The following SH3PXD2B variants were observed in gnomAD, a reference collection of about 807,000 sequenced individuals.
SH3PXD2B encodes the protein SH3 and PX domain-containing protein 2B.
A neutral mutation model predicts 73.1 loss-of-function variants in SH3PXD2B; 37 were observed. The ratio of observed to expected loss-of-function variants is 0.51; its 90% CI spans 0.39 to 0.67. The LOEUF (loss-of-function observed/expected upper bound fraction) is 0.67, where lower values mean the gene tolerates loss of function less well. SH3PXD2B is among the 30% of genes least tolerant of loss of function. The pLI is 0.00. For synonymous variants in SH3PXD2B, 457 were observed against 480.5 expected (o/e 0.95, Z 0.64); for missense variants, 1,053 against 1,197.8 (o/e 0.88, Z 1.78).
In SH3PXD2B at chr5:172,434,462, A is replaced by T. The variant is rs561281607; in HGVS notation, c.76-11966T>A. ...AGAAAGGCCCCAGAACTCCATCGATACGCTGTCCCCAGGGTCGGATGATGT... is the reference window on the plus strand; with the variant it reads ...AGAAAGGCCCCAGAACTCCATCGATTCGCTGTCCCCAGGGTCGGATGATGT... On this transcript the variant is annotated intron_variant, in intron 1 of 12. Transcript: ENST00000311601. 1.3e-4 allele frequency among the ~76,000 whole-genome samples: 20 copies of T among 152,240 alleles called. No individual in the cohort carries two copies. In the South Asian group the frequency reaches 4.0e-3, roughly 30 times the overall value.
Position 172,338,628 on chromosome 5 carries a change from G to A in SH3PXD2B, c.2477C>T (p.Pro826Leu), listed in dbSNP as rs73317796. 1.8e-3 allele frequency: 2,940 copies of A among 1,614,176 alleles called. 56 individuals are homozygous for A. The African/African-American group carries it at 0.035, about 19-fold the overall frequency. The change falls in exon 13 of 13, where the codon CCA becomes CTA. Residue 826 changes from proline to leucine, a missense_variant. Pro to Leu is a moderately conservative substitution (Grantham distance 98). Transcript: ENST00000311601. This position sits in a 1 kb window ranked among gnomAD's most constrained non-coding sequence, Gnocchi z 5.1. ...DDTRGKGSLGPWGTGKIGENR... is the reference protein window; with the variant it reads ...DDTRGKGSLGLWGTGKIGENR... ...TTCTCCAATCTTGCCGGTCCCCCAT[G>A]GCCCCAGGCTGCCTTTGCCTCGCGT...
intron 2 of SH3PXD2B, among the ~76,000 whole-genome samples, 171 bp from the exon 3 acceptor site, chr5:172,406,523 G>A (rs1758562691): frequency 6.6e-6 from 1 of 152,168 alleles, no homozygotes; most frequent in Non-Finnish European, 1.5e-5. Flanking sequence ...GTTGGACCTA[G>A]AAACCCCATG....
intron 2 of SH3PXD2B, among the ~76,000 whole-genome samples, chr5:172,406,679 G>A (rs988187691): frequency 6.6e-6 from 1 of 152,162 alleles, no homozygotes; most frequent in Non-Finnish European, 1.5e-5. Context: ...TGGACAGCAG[G>A]TCATCCTGCT....
downstream of SH3PXD2B, among the ~76,000 whole-genome samples, chr5:172,329,537 A>ATTTT (rs1189125823): frequency 6.8e-4 from 43 of 62,994 alleles, 2 homozygotes; most frequent in African/African-American, 2.2e-3. Context: ...GATCTTTGTT[A>ATTTT]TTCTTTTTTT....
At position 172,434,777 on chromosome 5, in the gene SH3PXD2B, C is replaced by A. The variant is rs1759327738; in HGVS notation, c.76-12281G>T. 8.0e-5 allele frequency among the ~76,000 whole-genome samples: 6 copies of A among 74,746 alleles called. No individual in the cohort carries two copies. In the South Asian group the frequency reaches 2.5e-3, roughly 32 times the overall value. The allele number at this position is 74,746 out of a possible 152,430, so 49.0% of individuals were successfully genotyped here. On this transcript the variant is annotated intron_variant, in intron 1 of 12. Coordinates refer to ENST00000311601, the MANE Select transcript of SH3PXD2B (RefSeq NM_001017995.3). ...CATTTTGGTCCTGGGATGCAATGGC[C>A]AATGGTTTTTTTTTTTTTTTTTTTC...
At chr5:172,346,824 T>C (rs183128841) in intron 11 of SH3PXD2B, among the ~76,000 whole-genome samples, 8 of 151,480 alleles carry the variant, frequency 5.3e-5, no homozygotes, top group African/African-American at 1.9e-4. Flanking sequence ...CAAAAACCAA[T>C]GCAAACAAAT....
chr5:172,410,866 T>C (rs926438216), intron 2 of SH3PXD2B, among the ~76,000 whole-genome samples: 1 of 152,158 alleles, frequency 6.6e-6, no homozygotes, highest in Non-Finnish European at 1.5e-5. Context: ...ACAGATGAGG[T>C]AACTGAGAAG....
chr5:172,347,763 G>A (rs912529094), intron 10 of SH3PXD2B, among the ~76,000 whole-genome samples: 1 of 152,176 alleles, frequency 6.6e-6, no homozygotes, highest in African/African-American at 2.4e-5. Context: ...CAGGGCAGCG[G>A]TGAGGATGAA....
At chr5:172,355,975 C>A (rs187500502) in intron 8 of SH3PXD2B, among the ~76,000 whole-genome samples, 6 of 152,244 alleles carry the variant, frequency 3.9e-5, no homozygotes, top group African/African-American at 1.4e-4. Flanking sequence ...CGTGCATTTG[C>A]CCTTCCTCTG....
At chr5:172,356,432 C>G (rs1757279473) in intron 8 of SH3PXD2B, among the ~76,000 whole-genome samples, 1 of 152,210 alleles carries the variant, frequency 6.6e-6, no homozygotes, top group South Asian at 2.1e-4. Context: ...AATGAAGGAA[C>G]AGGTCACTGG....
chr5:172,448,624 A>G (rs1433215472), intron 1 of SH3PXD2B, among the ~76,000 whole-genome samples: 5 of 152,210 alleles, frequency 3.3e-5, no homozygotes, highest in African/African-American at 7.2e-5. Flanking sequence ...GGTTGGAAAG[A>G]CATGTGCTAG....
At position 172,336,385 on chromosome 5, in the gene SH3PXD2B, C is replaced by T. The variant is rs371294063; in HGVS notation, c.*1984G>A. ...TCCCCTGGCTGCCATCTGCCCCCAA[C>T]GCTCTGGGCACAGGGCCAAGTGGCA... On this transcript the variant is annotated 3_prime_UTR_variant, in exon 13 of 13. Transcript: ENST00000311601. 5.4e-5 allele frequency: 53 copies of T among 985,748 alleles called. 1 individual carries two copies. The East Asian group carries it at 1.2e-3, about 23-fold the overall frequency. The allele number at this position is 985,748 out of a possible 1,614,324, so 61.1% of individuals were successfully genotyped here.
intron 10 of SH3PXD2B, among the ~76,000 whole-genome samples, chr5:172,348,654 CCTAT>C (rs55939833): frequency 0.057 from 3,438 of 60,180 alleles, 65 homozygotes; most frequent in East Asian, 0.11. Context: ...ATCTATCTAT[CCTAT>C]CTATCTATCT....
intron 9 of SH3PXD2B, among the ~76,000 whole-genome samples, chr5:172,352,669 C>T (rs537222872): frequency 1.2e-4 from 18 of 152,264 alleles, no homozygotes; most frequent in East Asian, 7.7e-4. Context: ...ATGCTATTCT[C>T]GTGATAGTGA....
chr5:172,422,630 A>G (rs1581327431), intron 1 of SH3PXD2B, 134 bp from the exon 2 acceptor site: 1 of 800,342 alleles, frequency 1.2e-6, no homozygotes, highest in Non-Finnish European at 2.1e-6. Flanking sequence ...GACTGGCTGG[A>G]CAAGTTGCTT....
chr5:172,357,515 G>A (rs914883561), intron 8 of SH3PXD2B, among the ~76,000 whole-genome samples: 2 of 152,038 alleles, frequency 1.3e-5, no homozygotes, highest in Admixed American at 1.3e-4. Flanking sequence ...TCTTCTAGCT[G>A]TGTGACCCTG....
intron 1 of SH3PXD2B, among the ~76,000 whole-genome samples, chr5:172,431,965 T>C (rs1759256899): frequency 6.6e-6 from 1 of 152,004 alleles, no homozygotes; most frequent in South Asian, 2.1e-4. Context: ...TCACCTGAGG[T>C]CAGGGGTTCG....
At position 172,404,249 on chromosome 5, in the gene SH3PXD2B, G is replaced by A. The variant is rs369683905; in HGVS notation, c.232+2028C>T. Among the ~76,000 whole-genome samples, 11 of 152,236 alleles carry A rather than the reference G, an allele frequency of 7.2e-5. No homozygotes were observed. In the East Asian group the frequency reaches 7.7e-4, roughly 11 times the overall value. ...AGGGGGTTGGGAGACTGGCACTTGTGTGACCCAGGGAGTCCCCCCAATCTC... is the reference window on the plus strand; with the variant it reads ...AGGGGGTTGGGAGACTGGCACTTGTATGACCCAGGGAGTCCCCCCAATCTC... On this transcript the variant is annotated intron_variant, in intron 3 of 12. Coordinates refer to ENST00000311601, the MANE Select transcript of SH3PXD2B (RefSeq NM_001017995.3).
At chr5:172,361,599 C>T (rs1352537640) in intron 7 of SH3PXD2B, among the ~76,000 whole-genome samples, 2 of 152,200 alleles carry the variant, frequency 1.3e-5, no homozygotes, top group Admixed American at 6.5e-5. Flanking sequence ...CTAGCCACAT[C>T]ATACAATCTG....
Sources: gnomAD v4.1 joint callset for allele counts (sites outside exome capture counted in the v4.1 genomes callset) on GRCh38, gnomAD v4.1.1 for gene constraint, Gnocchi (gnomAD v3.1) non-coding constraint, MANE v1.5 for transcripts, NCBI Gene and HGNC (gene_info 2026-07-23, HGNC 2026-07-21) for gene names.